Variants in UNC13A observed in about 807,000 individuals in gnomAD.
UNC13A encodes the protein unc-13 homolog A.
Under a neutral mutation model 219.7 loss-of-function variants are expected in UNC13A, and 61 were observed. The ratio of observed to expected loss-of-function variants is 0.28; its 90% confidence interval spans 0.23 to 0.34. The LOEUF (loss-of-function observed/expected upper bound fraction) is 0.34, where lower values mean the gene tolerates loss of function less well. Among genes scored for constraint, UNC13A ranks in the 10% least tolerant of loss-of-function variants. UNC13A has a pLI of 1.00. For missense variants in UNC13A, 1,476 were observed against 2,270.3 expected, an observed-to-expected ratio of 0.65 and a Z score of 7.11; for synonymous variants, 920 against 884.6, an observed-to-expected ratio of 1.04 and a Z score of -0.71.
At chr19:17,629,167 TG>T in intron 31 of UNC13A, 72 bp downstream of exon 31, 1 of 1,361,522 alleles carries the variant, frequency 7.3e-7, no homozygotes. Flanking sequence ...GTCAGGGCCC[TG>T]GGGAGAAGGG....
chr19:17,656,849 T>C (rs1429784177), intron 9 of UNC13A, among the ~76,000 whole-genome samples: 4 of 53,550 alleles, frequency 7.5e-5, no homozygotes, highest in Non-Finnish European at 1.1e-4. Context: ...CGAAATTCCG[T>C]CTCAAAAAAA....
At chr19:17,624,697 C>A (rs2076764122) in intron 35 of UNC13A, 132 bp downstream of exon 35, 24 of 1,332,554 alleles carry the variant, frequency 1.8e-5, no homozygotes, top group Admixed American at 2.8e-5. Flanking sequence ...CCTTGAATGG[C>A]CCTTGAGCCT....
intron 31 of UNC13A, chr19:17,628,300 C>A: frequency 3.4e-6 from 1 of 297,932 alleles, no homozygotes; most frequent in South Asian, 4.4e-5. Flanking sequence ...CAGACAGTGA[C>A]ACACTGAAGG....
intron 38 of UNC13A, among the ~76,000 whole-genome samples, chr19:17,619,257 CG>C (rs2076701646): frequency 6.6e-6 from 1 of 151,930 alleles, no homozygotes; most frequent in African/African-American, 2.4e-5. Context: ...GAGCCTCAGA[CG>C]GTGGTGTTTG....
At chr19:17,644,708 T>C (rs1050274573) in intron 19 of UNC13A, among the ~76,000 whole-genome samples, 2 of 150,714 alleles carry the variant, frequency 1.3e-5, no homozygotes, top group Non-Finnish European at 1.5e-5. Flanking sequence ...TATTTGTTTT[T>C]TGAGAAAGGG....
In UNC13A at chr19:17,606,067, G is replaced by C; in HGVS notation, c.5099C>G (p.Ala1700Gly). 1 of 1,569,442 alleles carries C rather than the reference G, an allele frequency of 6.4e-7. No homozygotes were observed. Among genetic ancestry groups the C allele is most frequent in the Non-Finnish European group, 8.6e-7 (1 of 1,162,072 alleles). ...CGACCGCCCGCGCTAAGGCGCAGGC[G>C]CGGCACCGCCCTCCTCGGCGGAGCG... ...DTRSAEEGGA[A>G]PAP Residue 1700 changes from alanine (A) to glycine (G), a missense_variant, in exon 44 of 44, where the codon GCG becomes GGG. Around this residue, in one of 14 missense-constraint regions of UNC13A, gnomAD observed 187 missense variants for 172.3 expected, o/e 1.09. Coordinates refer to ENST00000519716, the MANE Select transcript of UNC13A (RefSeq NM_001080421.3).
chr19:17,649,437 G>A lies in UNC13A; in HGVS notation c.1518+72C>T, dbSNP rs182948997. ...GCCCCCAACCCCAGGTTGACCATGG[G>A]CAGTTCCACAGGTTGTGCACTGCTT... is the stretch of plus-strand genomic sequence containing the variant. On this transcript the variant is annotated intron_variant, in intron 13 of 43. Transcript: ENST00000519716. This position sits in a 1 kb window ranked among gnomAD's most constrained non-coding sequence, Gnocchi z 4.4. 1.2e-6 allele frequency: 2 copies of A among 1,613,626 alleles called. No individual in the cohort carries two copies. The highest frequency in any genetic ancestry group is 2.2e-5 in the East Asian group (1 of 44,880).
At chr19:17,630,517 A>C (rs1473007556) in intron 29 of UNC13A, 137 bp downstream of exon 29, 1 of 1,179,884 alleles carries the variant, frequency 8.5e-7, no homozygotes, top group Non-Finnish European at 1.2e-6. Flanking sequence ...ATGAATGAAC[A>C]AAAGATTTTA....
At chr19:17,667,776 AT>A (rs34197880) in intron 6 of UNC13A, among the ~76,000 whole-genome samples, 29,098 of 108,018 alleles carry the variant, frequency 0.27, 3,744 homozygotes, top group African/African-American at 0.33. Flanking sequence ...AGCCTGGCTA[AT>A]TTTTTTTTTT....
rs1211348656 is a variant in UNC13A, at chr19:17,606,213, G to A, written c.4953C>T (p.Cys1651=). 5 of 1,554,978 alleles carry A rather than the reference G, an allele frequency of 3.2e-6. No individual in the cohort carries two copies. Among genetic ancestry groups the A allele is most frequent in the Non-Finnish European group, 4.3e-6 (5 of 1,151,010 alleles). Reference sequence around the variant, plus strand: ...GGATGCGGCGGCCGAGCGGCAGCCAGCAGGCGGCGCTCCCGCGCTGGGCCA... The same window carrying A: ...GGATGCGGCGGCCGAGCGGCAGCCAACAGGCGGCGCTCCCGCGCTGGGCCA... ...RELAQRGSAA[C]WLPLGRRIHM... Residue 1651 remains cysteine (C), a synonymous_variant, in exon 44 of 44, where the codon TGC becomes TGT. Coordinates refer to ENST00000519716, the MANE Select transcript of UNC13A (RefSeq NM_001080421.3).
chr19:17,664,441 G>A (rs546676154), intron 7 of UNC13A, among the ~76,000 whole-genome samples: 1 of 152,330 alleles, frequency 6.6e-6, no homozygotes, highest in South Asian at 2.1e-4. Context: ...TCAGAAAAAT[G>A]TCCTGGACCA....
intron 6 of UNC13A, among the ~76,000 whole-genome samples, chr19:17,666,922 CAGAG>C (rs1341220891): frequency 6.7e-6 from 1 of 149,992 alleles, no homozygotes; most frequent in Non-Finnish European, 1.5e-5. Flanking sequence ...AAGACAGAGA[CAGAG>C]ACAGAGACAG....
intron 36 of UNC13A, chr19:17,622,995 T>G (rs1341450809): frequency 6.6e-6 from 1 of 152,632 alleles, no homozygotes; most frequent in Non-Finnish European, 1.5e-5. Context: ...GGTGTATGTC[T>G]GGGATTGGTG....
rs762217644 is a variant in UNC13A at position 17,624,968 on chromosome 19, A to G, written c.4074-16T>C. The G allele has an allele frequency of 1.2e-6, 2 of 1,608,648 alleles. No homozygotes were observed. The highest frequency in any genetic ancestry group is 2.2e-5 in the South Asian group (2 of 90,630). ...GAGGGTCAGGCTGGGGACGAGGGGC[A>G]GGTCTGAGAGAGGGCCCAGCTCGCC... On this transcript the variant is annotated splice_polypyrimidine_tract_variant and intron_variant, in intron 34 of 43. Coordinates refer to ENST00000519716, the MANE Select transcript of UNC13A (RefSeq NM_001080421.3).
chr19:17,626,588 C>A (rs779320410), intron 34 of UNC13A, 45 bp downstream of exon 34: 4 of 1,499,576 alleles, frequency 2.7e-6, no homozygotes, highest in Non-Finnish European at 3.6e-6. Context: ...TATGGCCCTG[C>A]CCCAGCCCCT....
intron 20 of UNC13A, 129 bp from the exon 21 acceptor site, chr19:17,641,685 T>TTTTTTTTTTTTTTTTG: frequency 3.1e-6 from 3 of 981,182 alleles, no homozygotes; most frequent in Non-Finnish European, 4.4e-6. Context: ...TCTACTCTTT[T>TTTTTTTTTTTTTTTTG]ATCCATCCAC....
chr19:17,648,385 G>A, intron 16 of UNC13A, 46 bp downstream of exon 16: 1 of 1,457,004 alleles, frequency 6.9e-7, no homozygotes, highest in South Asian at 1.4e-5. Context: ...AAGCCCCGGG[G>A]CTCCCCACGC....
intron 1 of UNC13A, among the ~76,000 whole-genome samples, chr19:17,678,968 C>T (rs1398129841): frequency 6.6e-6 from 1 of 151,890 alleles, no homozygotes; most frequent in Non-Finnish European, 1.5e-5. Flanking sequence ...CACAAGGAGA[C>T]AGCGAGAGTA....
At position 17,626,676 on chromosome 19, in the gene UNC13A, C is replaced by T. The variant is rs759586125; in HGVS notation, c.4030G>A (p.Ala1344Thr). 20 of 1,580,070 alleles carry T rather than the reference C, an allele frequency of 1.3e-5. No homozygotes were observed. Among genetic ancestry groups the T allele is most frequent in the South Asian group, 6.9e-5 (6 of 86,456 alleles). The change falls in exon 34 of 44, where the codon GCG becomes ACG. Residue 1344 changes from alanine to threonine, a missense_variant. By Grantham distance (58) the Ala-to-Thr change is moderately conservative (BLOSUM62 0). Coordinates refer to ENST00000519716, the MANE Select transcript of UNC13A (RefSeq NM_001080421.3). ...ATGATGGGCTGCAACACATTGTCCG[C>T]GTCCTGGGCCACGCTGCTGCAGGCA... ...ASACSSVAQD[A>T]DNVLQPIMDL... is the part of the protein sequence containing the mutation.
Sources: allele counts gnomAD v4.1 joint callset (sites outside exome capture counted in the v4.1 genomes callset), GRCh38; gene constraint gnomAD v4.1.1; regional missense constraint gnomAD v4.1.1; non-coding constraint Gnocchi (gnomAD v3.1); transcripts MANE v1.5; gene names NCBI Gene and HGNC (gene_info 2026-07-23, HGNC 2026-07-21).